Variants in TEKT3 observed in about 807,000 individuals in gnomAD.
TEKT3 encodes tektin 3.
Under a neutral mutation model 49.8 loss-of-function variants are expected in TEKT3, and 49 were observed. The observed-to-expected ratio is 0.98, with a 90% CI of 0.78 to 1.25. The LOEUF is 1.25. Ranked by LOEUF, TEKT3 falls within the 50% of genes most tolerant of loss-of-function variation. The pLI is 0.00. For synonymous variants in TEKT3, 225 were observed against 237.2 expected (o/e 0.95, Z 0.47); for missense variants, 595 against 629.5 (o/e 0.95, Z 0.59).
At chr17:15,309,681 C>A (rs1910690075) in intron 7 of TEKT3, among the ~76,000 whole-genome samples, 1 of 152,140 alleles carries the variant, frequency 6.6e-6, no homozygotes, top group African/African-American at 2.4e-5. Flanking sequence ...CCAGTCCCAA[C>A]TGAGTCCTCT....
chr17:15,313,723 G>C (rs972447565), intron 6 of TEKT3, among the ~76,000 whole-genome samples: 1 of 151,972 alleles, frequency 6.6e-6, no homozygotes, highest in Non-Finnish European at 1.5e-5. Context: ...TCGTCAGGCT[G>C]GTCTCGAACT....
intron 8 of TEKT3, among the ~76,000 whole-genome samples, chr17:15,306,081 T>TTATA (rs142438638): frequency 0.32 from 41,814 of 132,376 alleles, 6,184 homozygotes; most frequent in East Asian, 0.44. Context: ...CACAGTTTAT[T>TTATA]TATATATATG....
At chr17:15,333,072 G>A (rs79119761) in intron 2 of TEKT3, among the ~76,000 whole-genome samples, 1,658 of 149,204 alleles carry the variant, frequency 0.011, 33 homozygotes, top group African/African-American at 0.039. Context: ...CCCCCTGTTA[G>A]AACATACAGA....
At chr17:15,333,417 T>C (rs1231729077) in intron 2 of TEKT3, among the ~76,000 whole-genome samples, 1 of 152,226 alleles carries the variant, frequency 6.6e-6, no homozygotes, top group African/African-American at 2.4e-5. Context: ...CGTGGCCCTG[T>C]GCTTATAGAA....
At chr17:15,322,404 A>C (rs998313535) in intron 4 of TEKT3, among the ~76,000 whole-genome samples, 10 of 152,146 alleles carry the variant, frequency 6.6e-5, no homozygotes, top group Non-Finnish European at 1.3e-4. Context: ...CTGAGTGTTC[A>C]GTTAAGTATT....
upstream of TEKT3, among the ~76,000 whole-genome samples, chr17:15,342,202 A>AAAT (rs1255976445): frequency 6.6e-6 from 1 of 152,138 alleles, no homozygotes; most frequent in East Asian, 1.9e-4. Context: ...TTGCTCATCC[A>AAAT]TGCAACCTCT....
intron 4 of TEKT3, among the ~76,000 whole-genome samples, chr17:15,325,197 T>C (rs1211714959): frequency 6.6e-6 from 1 of 152,216 alleles, no homozygotes; most frequent in Admixed American, 6.5e-5. Flanking sequence ...CCTCCAACTT[T>C]CTTCTTTTTC....
chr17:15,329,177 G>A (rs192033479), intron 3 of TEKT3, among the ~76,000 whole-genome samples: 4 of 152,214 alleles, frequency 2.6e-5, no homozygotes, highest in African/African-American at 7.2e-5. Context: ...TAGGCCAAAG[G>A]TAGTTATTTC....
At chr17:15,310,694 G>A (rs76515704) in intron 7 of TEKT3, among the ~76,000 whole-genome samples, 1,902 of 152,124 alleles carry the variant, frequency 0.013, 25 homozygotes, top group Admixed American at 0.016. Context: ...CACAGTCTGT[G>A]GTACTTTGAG....
In TEKT3 at chr17:15,331,455, T is replaced by C. The variant is rs754647592; in HGVS notation, c.131A>G (p.His44Arg). The C allele has an allele frequency of 4.3e-6, 7 of 1,614,088 alleles. No homozygotes were observed. Among genetic ancestry groups the C allele is most frequent in the Non-Finnish European group, 5.9e-6 (7 of 1,180,012 alleles). Residue 44 changes from histidine to arginine, a missense_variant, in exon 3 of 9, where the codon CAT becomes CGT. By Grantham distance (29) the His-to-Arg change is conservative (BLOSUM62 0). Coordinates refer to ENST00000395930, the MANE Select transcript of TEKT3 (RefSeq NM_031898.3). ...GGGTCTCCAAGGAAGGCTCAGGCTA[T>C]GGGTCAAATTGGAGTGGGGAAAGCG... ...RDRFPHSNLTHSLSLPWRPST... is the reference protein window; with the variant it reads ...RDRFPHSNLTRSLSLPWRPST...
chr17:15,321,141 C>G (rs1911236917), intron 4 of TEKT3, among the ~76,000 whole-genome samples: 1 of 151,732 alleles, frequency 6.6e-6, no homozygotes, highest in African/African-American at 2.4e-5. Context: ...TCCTGAGTAG[C>G]TGGGACTACA....
At chr17:15,338,649 CG>C (rs1221958457) in intron 2 of TEKT3, 1 of 157,242 alleles carries the variant, frequency 6.4e-6, no homozygotes, top group Non-Finnish European at 1.4e-5. Flanking sequence ...GGACTACAGC[CG>C]CCTGCCACCA....
chr17:15,324,657 TC>T lies in TEKT3; in HGVS notation c.663+3334del, dbSNP rs1911413000. ...TATGAAGTCATATTTCATTGTGAGATCCTTTGCCCATTTTTAATTGGGTTGA... is the reference window on the plus strand; with the variant it reads ...TATGAAGTCATATTTCATTGTGAGATCTTTGCCCATTTTTAATTGGGTTGA... On this transcript the variant is annotated intron_variant, in intron 4 of 8. Transcript: ENST00000395930. Among the ~76,000 whole-genome samples, 6 of 152,216 alleles carry T rather than the reference TC, an allele frequency of 3.9e-5. No homozygotes were observed. The South Asian group carries it at 1.2e-3, about 31-fold the overall frequency.
intron 4 of TEKT3, chr17:15,327,752 A>G (rs926834102): frequency 5.2e-5 from 22 of 422,482 alleles, no homozygotes; most frequent in African/African-American, 3.6e-4. Context: ...ATTAATAGTG[A>G]TTTCTGTCTA....
At chr17:15,305,518 A>G (rs527986190) in intron 8 of TEKT3, among the ~76,000 whole-genome samples, 1 of 152,314 alleles carries the variant, frequency 6.6e-6, no homozygotes, top group Admixed American at 6.5e-5. Flanking sequence ...ATCCCAGGGT[A>G]TAAAATATCA....
chr17:15,309,952 T>C (rs571376186), intron 7 of TEKT3, among the ~76,000 whole-genome samples: 1 of 152,326 alleles, frequency 6.6e-6, no homozygotes, highest in African/African-American at 2.4e-5. Context: ...GGGTGATGTC[T>C]CTGCAATATC....
At chr17:15,308,025 G>GTA (rs1488370365) in intron 8 of TEKT3, among the ~76,000 whole-genome samples, 2 of 152,156 alleles carry the variant, frequency 1.3e-5, no homozygotes, top group African/African-American at 2.4e-5. Flanking sequence ...CTCCTGCTGT[G>GTA]TATATATAGG....
chr17:15,341,824 T>C (rs981448305), upstream of TEKT3, among the ~76,000 whole-genome samples: 1 of 152,112 alleles, frequency 6.6e-6, no homozygotes, highest in Non-Finnish European at 1.5e-5. Flanking sequence ...ACCTCCTTGG[T>C]TTGGGAGGTG....
intron 4 of TEKT3, among the ~76,000 whole-genome samples, chr17:15,325,563 C>T (rs1177619101): frequency 2.0e-5 from 3 of 152,008 alleles, no homozygotes; most frequent in Admixed American, 2.0e-4. Context: ...GGGTGTGGGA[C>T]CCAGCCATTG....
Sources: allele counts gnomAD v4.1 joint callset (sites outside exome capture counted in the v4.1 genomes callset), GRCh38; gene constraint gnomAD v4.1.1; transcripts MANE v1.5; gene names NCBI Gene and HGNC (gene_info 2026-07-23, HGNC 2026-07-21).